PAK5: variants seen among roughly 807,000 people sequenced by gnomAD.
PAK5 encodes the protein p21 (RAC1) activated kinase 5, also known as serine/threonine-protein kinase PAK 5.
In PAK5, 16 loss-of-function variants were observed where a neutral mutation model predicts 65.9. That is an observed-to-expected ratio of 0.24 (90% CI 0.16 to 0.37). The LOEUF is 0.37. Ranked by LOEUF, PAK5 falls within the 10% of genes least tolerant of loss-of-function variation. The pLI is 1.00. For missense variants in PAK5, 785 were observed against 903.9 expected, an observed-to-expected ratio of 0.87 and a Z score of 1.69; for synonymous variants, 371 against 354.9, an observed-to-expected ratio of 1.05 and a Z score of -0.51.
chr20:9,717,179 A>G (rs185304375), intron 1 of PAK5, among the ~76,000 whole-genome samples: 57 of 152,288 alleles, frequency 3.7e-4, no homozygotes, highest in Non-Finnish European at 6.9e-4. Context: ...GATAATGCAT[A>G]TTTTAACAAA....
At chr20:9,826,989 TTC>T (rs1681146936) in intron 1 of PAK5, among the ~76,000 whole-genome samples, 1 of 152,196 alleles carries the variant, frequency 6.6e-6, no homozygotes, top group African/African-American at 2.4e-5. Flanking sequence ...CTTCACCACT[TTC>T]TCTCTTTTCC....
chr20:9,681,874 G>A (rs1006696515), intron 2 of PAK5, among the ~76,000 whole-genome samples: 4 of 151,932 alleles, frequency 2.6e-5, no homozygotes, highest in Non-Finnish European at 4.4e-5. Context: ...CCCTGTTTTT[G>A]TTAGTCTATA....
At chr20:9,582,675 T>C (rs2045999955) in intron 3 of PAK5, among the ~76,000 whole-genome samples, 1 of 152,090 alleles carries the variant, frequency 6.6e-6, no homozygotes, top group Non-Finnish European at 1.5e-5. Context: ...CTTTATCTTC[T>C]TGGGTGTGTG....
At chr20:9,816,579 G>T (rs1250606264) in intron 1 of PAK5, among the ~76,000 whole-genome samples, 1 of 152,156 alleles carries the variant, frequency 6.6e-6, no homozygotes, top group Admixed American at 6.5e-5. Context: ...AACTGCTTGA[G>T]CTTGGACATC....
At chr20:9,554,550 C>A (rs1011434236) in intron 7 of PAK5, among the ~76,000 whole-genome samples, 11 of 152,192 alleles carry the variant, frequency 7.2e-5, no homozygotes, top group African/African-American at 2.7e-4. Flanking sequence ...AGAGACAATA[C>A]TAAAATGACT....
chr20:9,715,324 T>C (rs1055927471), intron 1 of PAK5, among the ~76,000 whole-genome samples: 9 of 152,056 alleles, frequency 5.9e-5, no homozygotes, highest in Middle Eastern at 3.4e-3. Context: ...ATCAGAGAAA[T>C]GCAAATCGAA....
In PAK5 at chr20:9,721,401, A is replaced by C. The variant is rs181724413; in HGVS notation, c.-161-9966T>G. The stretch of plus-strand genomic sequence containing the variant: ...GGTGGCTCACGCCTGTAATTTCAGC[A>C]CTTTGGTAGGCCGAGGTGGGCGGAT... On this transcript the variant is annotated intron_variant, in intron 1 of 9. Coordinates refer to ENST00000353224, the MANE Select transcript of PAK5 (RefSeq NM_177990.4). Among the ~76,000 whole-genome samples, 27 of 152,150 alleles carry C rather than the reference A, an allele frequency of 1.8e-4. No homozygotes were observed. The East Asian group carries it at 5.2e-3, about 29-fold the overall frequency.
At chr20:9,834,933 T>A (rs1979023933) in intron 1 of PAK5, among the ~76,000 whole-genome samples, 1 of 152,212 alleles carries the variant, frequency 6.6e-6, no homozygotes, top group South Asian at 2.1e-4. Flanking sequence ...ATTTATTGAC[T>A]GATTGATGTA....
chr20:9,827,372 C>A (rs1256016702), intron 1 of PAK5, among the ~76,000 whole-genome samples: 1 of 152,166 alleles, frequency 6.6e-6, no homozygotes, highest in Non-Finnish European at 1.5e-5. Context: ...TAAATCATAG[C>A]ACCGCCTTTT....
At chr20:9,668,130 A>T (rs2423399) in intron 2 of PAK5, among the ~76,000 whole-genome samples, 2 of 151,878 alleles carry the variant, frequency 1.3e-5, no homozygotes, top group Admixed American at 6.6e-5. Context: ...GAGAAGCCGC[A>T]TGTTAGGGTA....
At chr20:9,553,980 A>G (rs577565688) in intron 7 of PAK5, among the ~76,000 whole-genome samples, 2 of 152,312 alleles carry the variant, frequency 1.3e-5, no homozygotes, top group South Asian at 2.1e-4. Flanking sequence ...CAGTGTATGA[A>G]TAAGTGTTGT....
intron 1 of PAK5, among the ~76,000 whole-genome samples, chr20:9,782,342 C>T (rs535058971): frequency 3.9e-5 from 6 of 152,252 alleles, no homozygotes; most frequent in South Asian, 2.1e-4. Flanking sequence ...GCCCATCCAA[C>T]GATTCTTACC....
intron 1 of PAK5, among the ~76,000 whole-genome samples, chr20:9,825,782 T>G (rs1450646247): frequency 1.3e-5 from 2 of 152,192 alleles, no homozygotes; most frequent in African/African-American, 4.8e-5. Context: ...AAATGCATCT[T>G]TCTAAAATGT....
chr20:9,616,354 T>C (rs910304462), intron 3 of PAK5, among the ~76,000 whole-genome samples: 4 of 152,086 alleles, frequency 2.6e-5, no homozygotes, highest in Non-Finnish European at 5.9e-5. Context: ...CAGTAGCGAG[T>C]AGCAGATTCT....
At chr20:9,829,210 C>T (rs768372410) in intron 1 of PAK5, among the ~76,000 whole-genome samples, 3 of 152,228 alleles carry the variant, frequency 2.0e-5, no homozygotes, top group Non-Finnish European at 4.4e-5. Context: ...GCAGTCCATT[C>T]ATTTACTTTC....
intron 1 of PAK5, among the ~76,000 whole-genome samples, chr20:9,809,584 G>A (rs2049274484): frequency 2.6e-5 from 4 of 152,104 alleles, no homozygotes; most frequent in Non-Finnish European, 5.9e-5. Context: ...AAAACTCTGA[G>A]CTCAGGAGCT....
chr20:9,792,560 A>G (rs886104186), intron 1 of PAK5, among the ~76,000 whole-genome samples: 5 of 152,216 alleles, frequency 3.3e-5, no homozygotes, highest in African/African-American at 7.2e-5. Flanking sequence ...AACTTATGGC[A>G]GACACATCTC....
At chr20:9,783,304 C>T (rs2048961450) in intron 1 of PAK5, among the ~76,000 whole-genome samples, 1 of 152,136 alleles carries the variant, frequency 6.6e-6, no homozygotes, top group Admixed American at 6.6e-5. Flanking sequence ...ACATAAGAGG[C>T]ACCAAATAAT....
chr20:9,729,250 A>G (rs908455951), intron 1 of PAK5, among the ~76,000 whole-genome samples: 3 of 152,002 alleles, frequency 2.0e-5, no homozygotes, highest in African/African-American at 7.3e-5. Flanking sequence ...AAAAAAATTC[A>G]TAATAAAAAT....
Sources: gnomAD v4.1 joint callset for allele counts (sites outside exome capture counted in the v4.1 genomes callset) on GRCh38, gnomAD v4.1.1 for gene constraint, MANE v1.5 for transcripts, NCBI Gene and HGNC (gene_info 2026-07-23, HGNC 2026-07-21) for gene names.